The following DDC variants were observed in gnomAD, a reference collection of about 807,000 sequenced individuals.
DDC encodes dopa decarboxylase.
A neutral mutation model predicts 60.0 loss-of-function variants in DDC; 43 were observed. The observed-to-expected ratio is 0.72, with a 90% CI of 0.56 to 0.92. The LOEUF (loss-of-function observed/expected upper bound fraction) is 0.92. DDC is among the 40% of genes least tolerant of loss of function. The pLI is 0.00. For synonymous variants in DDC, 232 were observed against 234.6 expected (o/e 0.99, Z 0.10); for missense variants, 573 against 620.2 (o/e 0.92, Z 0.81).
At chr7:50,514,734 C>T (rs1475689488) in intron 6 of DDC, among the ~76,000 whole-genome samples, 1 of 151,990 alleles carries the variant, frequency 6.6e-6, no homozygotes, top group Non-Finnish European at 1.5e-5. Context: ...GAAAGAAATT[C>T]AGAGCTTGAA....
chr7:50,479,500 A>C (rs2042720214), intron 10 of DDC, among the ~76,000 whole-genome samples: 1 of 152,194 alleles, frequency 6.6e-6, no homozygotes, highest in South Asian at 2.1e-4. Context: ...GCATGCCCAT[A>C]TTAAAATCCC....
intron 11 of DDC, among the ~76,000 whole-genome samples, chr7:50,473,924 C>A (rs1264073176): frequency 1.3e-5 from 2 of 152,214 alleles, no homozygotes; most frequent in East Asian, 3.8e-4. Flanking sequence ...CCCTCAGTGG[C>A]CTGGGAGTCT....
intron 11 of DDC, among the ~76,000 whole-genome samples, chr7:50,476,328 G>A (rs2042642767): frequency 6.6e-6 from 1 of 152,180 alleles, no homozygotes; most frequent in African/African-American, 2.4e-5. Context: ...AGCAGCCCAG[G>A]GCAGAAGGGC....
At chr7:50,546,708 T>C (rs2044818526) in intron 1 of DDC, among the ~76,000 whole-genome samples, 1 of 152,248 alleles carries the variant, frequency 6.6e-6, no homozygotes, top group Non-Finnish European at 1.5e-5. Context: ...TTTTATGTCA[T>C]TTCAAGGCTT....
intron 9 of DDC, 31 bp downstream of exon 9, chr7:50,495,319 G>GA: frequency 6.4e-7 from 1 of 1,561,938 alleles, no homozygotes; most frequent in South Asian, 1.1e-5. Context: ...CCTCGGACAG[G>GA]CAACTGACAT....
At chr7:50,526,814 C>T (rs10274275) in intron 6 of DDC, among the ~76,000 whole-genome samples, 110,634 of 152,032 alleles carry the variant, frequency 0.73, 40,544 homozygotes, top group East Asian at 0.8. Flanking sequence ...AAAACATATG[C>T]AATTATAGCA....
At chr7:50,548,777 A>G (rs1185637246) in intron 1 of DDC, among the ~76,000 whole-genome samples, 3 of 152,242 alleles carry the variant, frequency 2.0e-5, no homozygotes, top group South Asian at 4.1e-4. Context: ...GATTTTCAAT[A>G]TAGACATCAT....
At position 50,460,045 on chromosome 7, in the gene DDC, C is replaced by T. The variant is rs866286208; in HGVS notation, c.*19-1202G>A. The stretch of plus-strand genomic sequence containing the variant: ...CCTCTGCCCGGCCAGCTGCCCCGTC[C>T]GGGAAGGAGGTGGGGGGGGTCAGCC... On this transcript the variant is annotated intron_variant, in intron 14 of 14. Coordinates refer to ENST00000444124, the MANE Select transcript of DDC (RefSeq NM_001082971.2). Among the ~76,000 whole-genome samples the T allele has an allele frequency of 1.1e-4, 16 of 146,856 alleles. No homozygotes were observed. The South Asian group carries it at 1.7e-3, about 16-fold the overall frequency.
chr7:50,492,041 A>T (rs1036848637), intron 9 of DDC, among the ~76,000 whole-genome samples: 17 of 152,044 alleles, frequency 1.1e-4, no homozygotes, highest in Admixed American at 3.9e-4. Flanking sequence ...AAGAAGAGAA[A>T]ATTTGGACAC....
chr7:50,465,188 T>C (rs1167837216), intron 13 of DDC, among the ~76,000 whole-genome samples: 1 of 152,244 alleles, frequency 6.6e-6, no homozygotes, highest in African/African-American at 2.4e-5. Context: ...ATATGTTGTA[T>C]GTTTTCATTT....
In DDC at chr7:50,495,381, G is replaced by A; in HGVS notation, c.913C>T (p.Leu305=). The change falls in exon 9 of 15, where the codon CTA becomes TTA. Residue 305 remains leucine, a synonymous_variant. Coordinates refer to ENST00000444124, the MANE Select transcript of DDC (RefSeq NM_001082971.2). ...GCAGAACAGTCAAAATTCACCAATA[G>A]CCATTTGTGGGGATTAAAGTTGAAT... ...DSFNFNPHKW[L]LVNFDCSAMW... The A allele has an allele frequency of 3.1e-6, 5 of 1,613,226 alleles. No individual in the cohort carries two copies. Among genetic ancestry groups the A allele is most frequent in the Non-Finnish European group, 4.2e-6 (5 of 1,179,576 alleles).
intron 3 of DDC, 96 bp from the exon 4 acceptor site, chr7:50,538,075 C>A (rs2044478401): frequency 6.8e-7 from 1 of 1,470,120 alleles, no homozygotes; most frequent in Non-Finnish European, 9.4e-7. Flanking sequence ...CACTAAAGCC[C>A]AGATTAAAAT....
chr7:50,497,643 A>G (rs138133981), intron 8 of DDC, among the ~76,000 whole-genome samples: 1 of 152,174 alleles, frequency 6.6e-6, no homozygotes, highest in African/African-American at 2.4e-5. Flanking sequence ...AGCTACCGGC[A>G]ATGAACTATA....
intron 7 of DDC, among the ~76,000 whole-genome samples, chr7:50,502,401 C>T (rs564736128): frequency 6.6e-6 from 1 of 152,292 alleles, no homozygotes; most frequent in African/African-American, 2.4e-5. Flanking sequence ...GGGCTCTATC[C>T]AGCAGAAGAC....
chr7:50,537,040 T>A (rs1454116915), intron 4 of DDC, among the ~76,000 whole-genome samples: 1 of 19,610 alleles, frequency 5.1e-5, no homozygotes, highest in Non-Finnish European at 2.2e-4. Flanking sequence ...GGAAGTTGTT[T>A]TTTTTTTTTT....
At chr7:50,492,444 G>A (rs1372309693) in intron 9 of DDC, among the ~76,000 whole-genome samples, 1 of 152,160 alleles carries the variant, frequency 6.6e-6, no homozygotes, top group African/African-American at 2.4e-5. Flanking sequence ...TGTCGAGAAC[G>A]CACCGGCTCA....
intron 6 of DDC, among the ~76,000 whole-genome samples, chr7:50,507,916 T>C (rs2043444219): frequency 6.6e-6 from 1 of 152,246 alleles, no homozygotes; most frequent in South Asian, 2.1e-4. Flanking sequence ...AGTTGACTTA[T>C]GTGAGGCTCC....
chr7:50,543,963 C>T lies in DDC; in HGVS notation c.123G>A (p.Leu41=), dbSNP rs1322288204. The T allele has an allele frequency of 2.5e-6, 4 of 1,614,170 alleles. No homozygotes were observed. The highest frequency in any genetic ancestry group is 1.1e-5 in the South Asian group (1 of 91,082). ...PDVEPGYLRP[L]IPAAAPQEPD... ...GCTCCTGAGGGGCAGCGGCAGGGAT[C>T]AGCGGCCGCAGGTACCCGGGCTCCA... The change falls in exon 2 of 15, where the codon CTG becomes CTA. Residue 41 remains leucine (L), a synonymous_variant. Coordinates refer to ENST00000444124, the MANE Select transcript of DDC (RefSeq NM_001082971.2).
intron 7 of DDC, among the ~76,000 whole-genome samples, chr7:50,501,174 C>T (rs1014987411): frequency 6.6e-6 from 1 of 152,254 alleles, no homozygotes; most frequent in Non-Finnish European, 1.5e-5. Context: ...GTGACTCTTT[C>T]CTTCTGAGAC....
Sources: gnomAD v4.1 joint callset for allele counts (sites outside exome capture counted in the v4.1 genomes callset) on GRCh38, gnomAD v4.1.1 for gene constraint, MANE v1.5 for transcripts, NCBI Gene and HGNC (gene_info 2026-07-23, HGNC 2026-07-21) for gene names.